B4GALT5: variants seen among roughly 807,000 people sequenced by gnomAD.
B4GALT5 encodes the protein beta-1,4-galactosyltransferase 5, also known as UDP-Gal:beta-GlcNAc beta-1,4-galactosyltransferase 5.
In B4GALT5, 11 loss-of-function variants were observed where a neutral mutation model predicts 45.0. The ratio of observed to expected loss-of-function variants is 0.24; its 90% CI spans 0.15 to 0.40. B4GALT5 has a LOEUF of 0.40. Ranked by LOEUF, B4GALT5 falls within the 10% of genes least tolerant of loss-of-function variation. B4GALT5 has a pLI of 1.00. For missense variants in B4GALT5, 337 were observed against 500.2 expected (o/e 0.67, Z 3.11); for synonymous variants, 185 against 182.9 (o/e 1.01, Z -0.09).
At chr20:49,699,193 C>G (rs1270352277) in intron 1 of B4GALT5, among the ~76,000 whole-genome samples, 1 of 152,048 alleles carries the variant, frequency 6.6e-6, no homozygotes, top group Non-Finnish European at 1.5e-5. Context: ...ACAATCAGTA[C>G]TGATTGCCTT....
At chr20:49,678,289 A>C (rs962545297) in intron 1 of B4GALT5, among the ~76,000 whole-genome samples, 1 of 152,248 alleles carries the variant, frequency 6.6e-6, no homozygotes, top group African/African-American at 2.4e-5. Context: ...AGCAAGTCCA[A>C]GGCAATCAAA....
intron 1 of B4GALT5, among the ~76,000 whole-genome samples, chr20:49,697,258 C>A (rs527608758): frequency 8.3e-4 from 127 of 152,360 alleles, no homozygotes; most frequent in African/African-American, 2.8e-3. Flanking sequence ...GCTCCCAGAG[C>A]ACCTGACTTC....
intron 1 of B4GALT5, among the ~76,000 whole-genome samples, chr20:49,675,187 A>G (rs530914814): frequency 6.6e-4 from 100 of 152,232 alleles, no homozygotes; most frequent in African/African-American, 2.3e-3. Context: ...AACATTTGCA[A>G]GGACCAAAAA....
At chr20:49,670,310 T>G (rs111279983) in intron 1 of B4GALT5, among the ~76,000 whole-genome samples, 1 of 152,196 alleles carries the variant, frequency 6.6e-6, no homozygotes, top group Non-Finnish European at 1.5e-5. Context: ...AATAAGAACA[T>G]GTATCAGGCT....
At position 49,636,238 on chromosome 20, in the gene B4GALT5, C is replaced by A; in HGVS notation, c.*74G>T. The A allele has an allele frequency of 1.3e-6, 2 of 1,554,430 alleles. No homozygotes were observed. The highest frequency in any genetic ancestry group is 1.8e-6 in the Non-Finnish European group (2 of 1,137,524). ...CTGTTCTCTTGCTGTGTAGACCCTC[C>A]CCCCTCCAAAAAAAAATCTCATCGG... is the stretch of plus-strand genomic sequence containing the variant. On this transcript the variant is annotated 3_prime_UTR_variant, in exon 9 of 9. Coordinates refer to ENST00000371711, the MANE Select transcript of B4GALT5 (RefSeq NM_004776.4).
intron 1 of B4GALT5, among the ~76,000 whole-genome samples, chr20:49,699,646 C>T (rs888043008): frequency 6.6e-6 from 1 of 152,026 alleles, no homozygotes; most frequent in Non-Finnish European, 1.5e-5. Context: ...AGATGAATAA[C>T]AATGTAAAAG....
chr20:49,675,018 A>T (rs2085731690), intron 1 of B4GALT5, among the ~76,000 whole-genome samples: 1 of 152,228 alleles, frequency 6.6e-6, no homozygotes, highest in African/African-American at 2.4e-5. Flanking sequence ...TTTCAAAAGC[A>T]AAAAATCCCG....
chr20:49,667,609 G>A (rs549100368), intron 1 of B4GALT5, among the ~76,000 whole-genome samples: 3 of 151,768 alleles, frequency 2.0e-5, no homozygotes, highest in African/African-American at 7.3e-5. Context: ...GCAGTGGCAC[G>A]ATCATGGCTC....
intron 1 of B4GALT5, among the ~76,000 whole-genome samples, chr20:49,703,442 A>C (rs1238773382): frequency 2.0e-5 from 3 of 152,164 alleles, no homozygotes; most frequent in African/African-American, 7.2e-5. Flanking sequence ...CATTTCATTA[A>C]ATATTTAAGT....
intron 1 of B4GALT5, among the ~76,000 whole-genome samples, chr20:49,669,620 T>C (rs1314384212): frequency 1.4e-5 from 2 of 147,984 alleles, no homozygotes; most frequent in African/African-American, 5.0e-5. Flanking sequence ...CACTTGAACC[T>C]GGGAGGCGGA....
chr20:49,710,729 A>AC (rs2050201759), intron 1 of B4GALT5, among the ~76,000 whole-genome samples: 2 of 151,882 alleles, frequency 1.3e-5, no homozygotes, highest in African/African-American at 4.8e-5. Context: ...ACCTAGTATT[A>AC]TTTTCTAAGC....
rs1041941329 is a variant in B4GALT5, at chr20:49,666,720, GA to G, written c.116-10019del. On this transcript the variant is annotated intron_variant, in intron 1 of 8. Coordinates refer to ENST00000371711, the MANE Select transcript of B4GALT5 (RefSeq NM_004776.4). Reference sequence around the variant, plus strand: ...TAAGGAAAAACAAAATGTGCCAAAGGAATGTTGAAGTTTGATTTCTGCCATG... The same window carrying G: ...TAAGGAAAAACAAAATGTGCCAAAGGATGTTGAAGTTTGATTTCTGCCATG... Among the ~76,000 whole-genome samples the G allele has an allele frequency of 1.4e-3, 213 of 152,300 alleles. 1 individual carries two copies. Among genetic ancestry groups the G allele is most frequent in the African/African-American group, 4.7e-3 (195 of 41,568 alleles).
At chr20:49,705,719 G>A (rs1454862881) in intron 1 of B4GALT5, among the ~76,000 whole-genome samples, 9 of 152,036 alleles carry the variant, frequency 5.9e-5, no homozygotes, top group Admixed American at 5.9e-4. Context: ...TGAAACTTCA[G>A]ATCTGAAAGG....
chr20:49,655,199 G>A (rs1255237470), intron 2 of B4GALT5, among the ~76,000 whole-genome samples: 1 of 152,036 alleles, frequency 6.6e-6, no homozygotes, highest in African/African-American at 2.4e-5. Flanking sequence ...GGGAGGCCGA[G>A]GCAGGCGGAT....
chr20:49,645,692 T>C (rs894879789), intron 3 of B4GALT5, among the ~76,000 whole-genome samples: 1 of 151,962 alleles, frequency 6.6e-6, no homozygotes, highest in South Asian at 2.1e-4. Context: ...GAGGTTGCAG[T>C]GAGCGGAGAC....
chr20:49,664,236 A>T (rs17194864), intron 1 of B4GALT5, among the ~76,000 whole-genome samples: 2,436 of 152,158 alleles, frequency 0.016, 38 homozygotes, highest in East Asian at 0.082. Context: ...ATATCCCTTA[A>T]GAGTTGGGAT....
chr20:49,656,960 T>A (rs972330333), intron 1 of B4GALT5, among the ~76,000 whole-genome samples: 3 of 152,256 alleles, frequency 2.0e-5, no homozygotes, highest in South Asian at 4.1e-4. Flanking sequence ...AAAAAATATA[T>A]TCCATCTCTT....
At chr20:49,681,968 C>T (rs937743138) in intron 1 of B4GALT5, among the ~76,000 whole-genome samples, 12 of 152,164 alleles carry the variant, frequency 7.9e-5, no homozygotes, top group Admixed American at 2.0e-4. Context: ...TGGTGGCTTG[C>T]GCCTGTAGTC....
chr20:49,636,907 G>GACACACACACACACACACAC (rs5841760), intron 8 of B4GALT5, among the ~76,000 whole-genome samples: 82 of 146,494 alleles, frequency 5.6e-4, no homozygotes, highest in African/African-American at 1.6e-3. Context: ...ATTTAGAAAA[G>GACACACACACACACACACAC]ACACACACAC....
Sources: gnomAD v4.1 joint callset for allele counts (sites outside exome capture counted in the v4.1 genomes callset) on GRCh38, gnomAD v4.1.1 for gene constraint, MANE v1.5 for transcripts, NCBI Gene and HGNC (gene_info 2026-07-23, HGNC 2026-07-21) for gene names.